Variants in SEMA3D observed in about 807,000 individuals in gnomAD.
The protein encoded by SEMA3D is semaphorin-3D.
In SEMA3D, 84 loss-of-function variants were observed where a neutral mutation model predicts 100.1. That is an observed-to-expected ratio of 0.84 (90% CI 0.70 to 1.01). The LOEUF is 1.01. Among genes scored for constraint, SEMA3D ranks in the 50% least tolerant of loss-of-function variants. The pLI, the probability that SEMA3D is intolerant of heterozygous loss-of-function variation, is 0.00. For missense variants in SEMA3D, 875 were observed against 934.1 expected, an observed-to-expected ratio of 0.94 and a Z score of 0.82; for synonymous variants, 312 against 320.7, an observed-to-expected ratio of 0.97 and a Z score of 0.29.
intron 2 of SEMA3D, chr7:85,141,698 A>G: frequency 1.1e-6 from 1 of 950,298 alleles, no homozygotes; most frequent in Non-Finnish European, 1.3e-6. Flanking sequence ...GTTTACCTAA[A>G]TTAATGTTTA....
chr7:85,187,369 C>G (rs1759763304), upstream of SEMA3D, among the ~76,000 whole-genome samples: 1 of 152,138 alleles, frequency 6.6e-6, no homozygotes, highest in Non-Finnish European at 1.5e-5. Context: ...GAGGAAGAAA[C>G]AGGGAGAGTG....
At chr7:85,058,336 G>T (rs115171100) in intron 8 of SEMA3D, among the ~76,000 whole-genome samples, 1 of 151,940 alleles carries the variant, frequency 6.6e-6, no homozygotes, top group Non-Finnish European at 1.5e-5. Context: ...CCCTGCCCCG[G>T]CCCTCTTTCA....
intron 12 of SEMA3D, among the ~76,000 whole-genome samples, chr7:85,023,832 G>C (rs2115861500): frequency 6.6e-6 from 1 of 151,952 alleles, no homozygotes; most frequent in Admixed American, 6.6e-5. Flanking sequence ...ATATCAAAGA[G>C]GTTGTACTAA....
At chr7:85,095,343 A>C (rs1788516837) in intron 4 of SEMA3D, among the ~76,000 whole-genome samples, 1 of 151,972 alleles carries the variant, frequency 6.6e-6, no homozygotes, top group African/African-American at 2.4e-5. Flanking sequence ...AAAACCTCCA[A>C]GTTCACATAT....
intron 4 of SEMA3D, among the ~76,000 whole-genome samples, chr7:85,092,456 C>A (rs1788424121): frequency 6.6e-6 from 1 of 151,936 alleles, no homozygotes; most frequent in African/African-American, 2.4e-5. Flanking sequence ...AAAGTGTAGT[C>A]ACTTATAAAG....
rs149958729 is a variant in SEMA3D, at chr7:85,066,242, G to A, written c.590-690C>T. Among the ~76,000 whole-genome samples, 383 of 152,048 alleles carry A rather than the reference G, an allele frequency of 2.5e-3. 1 individual carries two copies. Among genetic ancestry groups the A allele is most frequent in the African/African-American group, 9.1e-3 (376 of 41,486 alleles). On this transcript the variant is annotated intron_variant, in intron 7 of 18. Coordinates refer to ENST00000284136, the MANE Select transcript of SEMA3D (RefSeq NM_001384900.1). ...CAAAAGAGAGAAGGGGAATGTCAAG[G>A]AGAAAAAGAGAGAGAAAGGAGAGAA... is the stretch of plus-strand genomic sequence containing the variant.
rs1789526234 is a variant in SEMA3D at position 84,997,224 on chromosome 7, C to T, written c.*2216G>A. 1 of 151,970 alleles carries T rather than the reference C, an allele frequency of 6.6e-6. No homozygotes were observed. The highest frequency in any genetic ancestry group is 2.1e-4 in the South Asian group (1 of 4,824). The allele number at this position is 151,970 out of a possible 1,614,324, so 9.4% of individuals were successfully genotyped here. Reference sequence around the variant, plus strand: ...AGAAATAAAATTTATTTTCATAAGTCAATCCTAACACTTGAGCTTCATGTA... The same window carrying T: ...AGAAATAAAATTTATTTTCATAAGTTAATCCTAACACTTGAGCTTCATGTA... On this transcript the variant is annotated 3_prime_UTR_variant, in exon 19 of 19. Transcript: ENST00000284136.
intron 1 of SEMA3D, among the ~76,000 whole-genome samples, chr7:85,168,874 A>AAAGAAAGG: frequency 6.8e-6 from 1 of 146,986 alleles, no homozygotes; most frequent in Non-Finnish European, 1.5e-5. Context: ...AGAAAGAAAG[A>AAAGAAAGG]AAGAAAAGAA....
intron 1 of SEMA3D, among the ~76,000 whole-genome samples, chr7:85,164,893 G>T (rs1309978852): frequency 6.6e-6 from 1 of 152,016 alleles, no homozygotes; most frequent in Non-Finnish European, 1.5e-5. Flanking sequence ...TATAAAACAT[G>T]TATACAAAGA....
At chr7:85,055,908 T>A (rs777627804) in intron 8 of SEMA3D, 49 bp from the exon 9 acceptor site, 5 of 1,048,146 alleles carry the variant, frequency 4.8e-6, no homozygotes, top group Non-Finnish European at 6.9e-6. Context: ...AACAATCCAG[T>A]CATCATAGTT....
chr7:85,197,010 T>C, the SEMA3D span, among the ~76,000 whole-genome samples: 1 of 139,836 alleles, frequency 7.2e-6, no homozygotes, highest in Non-Finnish European at 1.5e-5. Context: ...TCTCATCAGA[T>C]TTTTTTTTTA....
chr7:85,029,048 G>T, intron 12 of SEMA3D: 1 of 479,832 alleles, frequency 2.1e-6, no homozygotes. Context: ...ACTGCTGATG[G>T]AGTCATGGCT....
chr7:85,153,035 C>T (rs1425482665), intron 2 of SEMA3D, among the ~76,000 whole-genome samples: 2 of 152,028 alleles, frequency 1.3e-5, no homozygotes, highest in Admixed American at 1.3e-4. Context: ...TATATTCATC[C>T]CTTGATACAC....
chr7:85,064,448 A>G (rs1791558599), intron 8 of SEMA3D, among the ~76,000 whole-genome samples: 1 of 152,222 alleles, frequency 6.6e-6, no homozygotes, highest in Non-Finnish European at 1.5e-5. Flanking sequence ...GCTGATGAGA[A>G]TCACATTGTT....
the SEMA3D span, among the ~76,000 whole-genome samples, chr7:85,225,082 A>G: frequency 1.9e-4 from 3 of 16,146 alleles, 1 homozygote; most frequent in Non-Finnish European, 3.6e-4. Context: ...ATATATATAT[A>G]TATATATATA....
intron 2 of SEMA3D, among the ~76,000 whole-genome samples, chr7:85,145,406 G>C (rs894570066): frequency 3.3e-5 from 5 of 152,060 alleles, no homozygotes; most frequent in African/African-American, 1.2e-4. Flanking sequence ...AGCAGAAGCT[G>C]GCATATTTTT....
At chr7:85,201,873 G>T in the SEMA3D span, among the ~76,000 whole-genome samples, 1 of 151,520 alleles carries the variant, frequency 6.6e-6, no homozygotes, top group African/African-American at 2.4e-5. Context: ...CTACAGGTTT[G>T]TGCCACCAGG....
chr7:85,155,665 G>A (rs1790573199), intron 1 of SEMA3D, among the ~76,000 whole-genome samples: 1 of 152,080 alleles, frequency 6.6e-6, no homozygotes. Context: ...TTTTAGAGAT[G>A]TCATACATAC....
upstream of SEMA3D, among the ~76,000 whole-genome samples, chr7:85,189,047 C>T (rs1791637588): frequency 6.6e-6 from 1 of 152,032 alleles, no homozygotes; most frequent in South Asian, 2.1e-4. Context: ...CAGAATTTAC[C>T]AGAGTATCCT....
Sources: allele counts gnomAD v4.1 joint callset (sites outside exome capture counted in the v4.1 genomes callset), GRCh38; gene constraint gnomAD v4.1.1; transcripts MANE v1.5; gene names NCBI Gene and HGNC (gene_info 2026-07-23, HGNC 2026-07-21).